The following PLCB1 variants were observed in gnomAD, a reference collection of about 807,000 sequenced individuals.
The protein encoded by PLCB1 is 1-phosphatidylinositol 4,5-bisphosphate phosphodiesterase beta-1.
A neutral mutation model predicts 161.8 loss-of-function variants in PLCB1; 46 were observed. The observed-to-expected ratio is 0.28, with a 90% CI of 0.22 to 0.36. The LOEUF is 0.36. Among genes scored for constraint, PLCB1 ranks in the 10% least tolerant of loss-of-function variants. The pLI, the probability that PLCB1 is intolerant of heterozygous loss-of-function variation, is 1.00. For synonymous variants in PLCB1, 517 were observed against 503.7 expected (o/e 1.03, Z -0.35); for missense variants, 1,016 against 1,472.5 (o/e 0.69, Z 5.07).
At chr20:8,591,849 C>G (rs1364403071) in intron 3 of PLCB1, among the ~76,000 whole-genome samples, 1 of 152,060 alleles carries the variant, frequency 6.6e-6, no homozygotes, top group African/African-American at 2.4e-5. Context: ...GCTGGCCATC[C>G]CAAATATTAC....
At chr20:8,700,264 T>C (rs1450583062) in intron 11 of PLCB1, among the ~76,000 whole-genome samples, 2 of 152,228 alleles carry the variant, frequency 1.3e-5, no homozygotes, top group Non-Finnish European at 2.9e-5. Context: ...CTGTCTACCC[T>C]CCAGAGACAT....
chr20:8,565,691 C>T (rs1986310197), intron 3 of PLCB1, among the ~76,000 whole-genome samples: 1 of 151,994 alleles, frequency 6.6e-6, no homozygotes, highest in Admixed American at 6.6e-5. Context: ...GTGACTAATT[C>T]TGACTAATGT....
At chr20:8,184,505 T>C (rs561763922) in intron 2 of PLCB1, among the ~76,000 whole-genome samples, 131 of 152,158 alleles carry the variant, frequency 8.6e-4, no homozygotes, top group Non-Finnish European at 1.6e-3. Context: ...TCTCAGCCTC[T>C]GAATTTGTTA....
chr20:8,554,061 A>G (rs1195348897), intron 3 of PLCB1, among the ~76,000 whole-genome samples: 3 of 150,602 alleles, frequency 2.0e-5, no homozygotes, highest in Non-Finnish European at 4.4e-5. Context: ...CTATACATTC[A>G]CTAAAATTGC....
At chr20:8,639,662 G>A (rs548790827) in intron 4 of PLCB1, among the ~76,000 whole-genome samples, 9 of 151,976 alleles carry the variant, frequency 5.9e-5, no homozygotes, top group South Asian at 4.1e-4. Context: ...TTTTTTTTCA[G>A]TTGAACATAT....
intron 2 of PLCB1, among the ~76,000 whole-genome samples, chr20:8,358,003 T>C (rs1234648755): frequency 6.7e-6 from 1 of 149,738 alleles, no homozygotes; most frequent in African/African-American, 2.5e-5. Flanking sequence ...TAGGGGATAA[T>C]GTTGTCACAA....
chr20:8,831,571 T>A (rs2146277929), intron 31 of PLCB1, among the ~76,000 whole-genome samples: 1 of 152,320 alleles, frequency 6.6e-6, no homozygotes, highest in East Asian at 1.9e-4. Flanking sequence ...TTTATTTTAT[T>A]GTAATGTGCC....
intron 3 of PLCB1, among the ~76,000 whole-genome samples, chr20:8,551,394 G>A (rs1985771242): frequency 6.6e-6 from 1 of 152,032 alleles, no homozygotes; most frequent in Non-Finnish European, 1.5e-5. Flanking sequence ...TTTCTTTCTT[G>A]GCTTCAGCCA....
intron 31 of PLCB1, among the ~76,000 whole-genome samples, chr20:8,816,903 C>A (rs1271695824): frequency 6.6e-6 from 1 of 152,168 alleles, no homozygotes; most frequent in Non-Finnish European, 1.5e-5. Context: ...TCTAACTGTT[C>A]ATCTGGAACC....
chr20:8,850,737 G>A (rs928926512), intron 31 of PLCB1, among the ~76,000 whole-genome samples: 3 of 152,188 alleles, frequency 2.0e-5, no homozygotes, highest in African/African-American at 7.2e-5. Flanking sequence ...CAGGAGATGA[G>A]CCCTCACCAG....
chr20:8,490,861 C>CATAT (rs111442214), intron 3 of PLCB1, among the ~76,000 whole-genome samples: 17,144 of 141,738 alleles, frequency 0.12, 1,024 homozygotes, highest in African/African-American at 0.14. Context: ...TATATATAGG[C>CATAT]ATATATATAT....
intron 11 of PLCB1, among the ~76,000 whole-genome samples, chr20:8,706,859 T>C (rs1422030151): frequency 6.6e-6 from 1 of 152,204 alleles, no homozygotes; most frequent in African/African-American, 2.4e-5. Context: ...TCTTGCTGCA[T>C]CTTCACAACA....
intron 3 of PLCB1, among the ~76,000 whole-genome samples, chr20:8,561,705 A>G (rs1225649912): frequency 6.6e-6 from 1 of 152,034 alleles, no homozygotes; most frequent in Non-Finnish European, 1.5e-5. Context: ...ATTAAATTTC[A>G]TTAACAGATG....
At chr20:8,750,933 CTTTTT>C (rs769913295) in intron 23 of PLCB1, 142 of 413,256 alleles carry the variant, frequency 3.4e-4, no homozygotes, top group Non-Finnish European at 3.7e-4. Context: ...GAACTGCACT[CTTTTT>C]TTTTTTTTTT....
chr20:8,256,059 C>T (rs1205895608), intron 2 of PLCB1, among the ~76,000 whole-genome samples: 1 of 152,226 alleles, frequency 6.6e-6, no homozygotes, highest in Middle Eastern at 3.4e-3. Context: ...TAGTAGGCTA[C>T]ACCATCTAGG....
At position 8,724,711 on chromosome 20, in the gene PLCB1, A is replaced by G; in HGVS notation, c.1637A>G (p.Tyr546Cys). The change falls in exon 16 of 32, where the codon TAT (tyrosine) becomes TGT (cysteine). Residue 546 changes from tyrosine (Y) to cysteine (C), a missense_variant. Tyr to Cys is a radical substitution (Grantham distance 194). Transcript: ENST00000338037. ...GAAGAAATGTCTAATCTGGTGAACT[A>G]TATTCAGCCAGTCAAGTTTGAGTCA... Reference protein sequence around the residue: ...ATEEMSNLVNYIQPVKFESFE... With the variant: ...ATEEMSNLVNCIQPVKFESFE... The G allele has an allele frequency of 6.2e-7, 1 of 1,611,830 alleles. No individual in the cohort carries two copies. The highest frequency in any genetic ancestry group is 8.5e-7 in the Non-Finnish European group (1 of 1,178,228).
At chr20:8,373,049 A>G (rs1265079426) in intron 3 of PLCB1, among the ~76,000 whole-genome samples, 6 of 152,176 alleles carry the variant, frequency 3.9e-5, no homozygotes, top group Non-Finnish European at 7.3e-5. Context: ...ATAAATGTCT[A>G]CTGAACAGTG....
intron 25 of PLCB1, among the ~76,000 whole-genome samples, chr20:8,763,626 T>G (rs1982158789): frequency 6.6e-6 from 1 of 151,830 alleles, no homozygotes; most frequent in South Asian, 2.1e-4. Context: ...ACCTCAGATA[T>G]CCACCCACCT....
At chr20:8,356,838 A>G (rs971895998) in intron 2 of PLCB1, among the ~76,000 whole-genome samples, 2 of 152,230 alleles carry the variant, frequency 1.3e-5, no homozygotes, top group Non-Finnish European at 2.9e-5. Context: ...CTAAAGGTAT[A>G]CAGAGAATAC....
Sources: allele counts gnomAD v4.1 joint callset (sites outside exome capture counted in the v4.1 genomes callset), GRCh38; gene constraint gnomAD v4.1.1; transcripts MANE v1.5; gene names NCBI Gene and HGNC (gene_info 2026-07-23, HGNC 2026-07-21).